The following NAV3 variants were observed in gnomAD, a reference collection of about 807,000 sequenced individuals.
NAV3 encodes pore membrane and/or filament interacting like protein 1.
NAV3 carries 87 observed loss-of-function variants against 244.7 expected under a neutral mutation model. The observed-to-expected ratio is 0.36, with a 90% confidence interval of 0.30 to 0.42. NAV3 has a LOEUF of 0.42. Ranked by LOEUF, NAV3 falls within the 20% of genes least tolerant of loss-of-function variation. NAV3 has a pLI of 1.00. For missense variants in NAV3, 2,663 were observed against 2,893.3 expected (o/e 0.92, Z 1.83); for synonymous variants, 1,126 against 1,042.2 (o/e 1.08, Z -1.55).
At chr12:77,936,804 C>T (rs1294341366) in intron 1 of NAV3, among the ~76,000 whole-genome samples, 1 of 152,100 alleles carries the variant, frequency 6.6e-6, no homozygotes, top group Non-Finnish European at 1.5e-5. Flanking sequence ...TCTCTCATCA[C>T]GGCATTACAG....
chr12:78,092,796 G>A (rs1414895208), intron 12 of NAV3, among the ~76,000 whole-genome samples: 5 of 152,114 alleles, frequency 3.3e-5, no homozygotes, highest in East Asian at 1.9e-4. Context: ...CACCGCGCCC[G>A]GCCGTGTTAA....
intron 2 of NAV3, among the ~76,000 whole-genome samples, chr12:77,670,825 A>G (rs1435350469): frequency 2.6e-5 from 4 of 152,140 alleles, no homozygotes; most frequent in Non-Finnish European, 5.9e-5. Context: ...ACCCACAGAC[A>G]ACATTATACT....
chr12:77,709,643 G>A (rs1876009126), intron 2 of NAV3, among the ~76,000 whole-genome samples: 1 of 152,076 alleles, frequency 6.6e-6, no homozygotes, highest in Non-Finnish European at 1.5e-5. Context: ...ATTCCCATTT[G>A]ACAACTTAAA....
intron 28 of NAV3, 128 bp downstream of exon 28, chr12:78,177,813 C>T (rs1187125651): frequency 8.2e-6 from 7 of 851,952 alleles, no homozygotes; most frequent in Non-Finnish European, 1.2e-5. Flanking sequence ...TCTGTTTTTT[C>T]AACTAAAATT....
At chr12:77,698,917 AGAATACTT>A (rs1421959481) in intron 2 of NAV3, among the ~76,000 whole-genome samples, 2 of 152,154 alleles carry the variant, frequency 1.3e-5, no homozygotes, top group African/African-American at 2.4e-5. Flanking sequence ...TGTTTGTCCT[AGAATACTT>A]GTGCACAATT....
intron 1 of NAV3, among the ~76,000 whole-genome samples, chr12:77,910,941 T>G (rs1886520644): frequency 6.6e-6 from 1 of 152,124 alleles, no homozygotes; most frequent in Admixed American, 6.6e-5. Flanking sequence ...CACTTATCAG[T>G]AGAGACAAAC....
chr12:77,976,450 C>A (rs1485218905), intron 5 of NAV3, among the ~76,000 whole-genome samples: 4 of 151,760 alleles, frequency 2.6e-5, no homozygotes, highest in Admixed American at 2.6e-4. Context: ...TAGAGGAGAC[C>A]AAAAAGAGTT....
intron 2 of NAV3, among the ~76,000 whole-genome samples, chr12:77,722,203 A>C (rs1205084321): frequency 1.3e-5 from 2 of 152,092 alleles, no homozygotes; most frequent in African/African-American, 4.8e-5. Flanking sequence ...GAAAGGTATA[A>C]AAATGAATTC....
chr12:77,594,984 A>G (rs551141430), intron 2 of NAV3, among the ~76,000 whole-genome samples: 1 of 152,252 alleles, frequency 6.6e-6, no homozygotes. Flanking sequence ...GCCATTATGG[A>G]AAAAAAGTAT....
chr12:77,930,609 A>G (rs769463072), intron 1 of NAV3, among the ~76,000 whole-genome samples: 2 of 152,204 alleles, frequency 1.3e-5, no homozygotes, highest in African/African-American at 4.8e-5. Flanking sequence ...GATCTGTTAC[A>G]TAGCAGTTAC....
chr12:77,862,469 C>T (rs1336708705), intron 1 of NAV3, among the ~76,000 whole-genome samples: 1 of 151,694 alleles, frequency 6.6e-6, no homozygotes, highest in African/African-American at 2.4e-5. Flanking sequence ...ATAACTGATG[C>T]TGAATCCACT....
chr12:77,617,500 C>A (rs1402756750), intron 2 of NAV3, among the ~76,000 whole-genome samples: 1 of 152,182 alleles, frequency 6.6e-6, no homozygotes, highest in Non-Finnish European at 1.5e-5. Flanking sequence ...ACTGAGACTT[C>A]CTTGTATAGA....
Position 77,831,671 on chromosome 12 carries a change from C to T in NAV3, c.210C>T (p.Leu70=), listed in dbSNP as rs200722700. The change falls in exon 1 of 40, where the codon CTC becomes CTT. Residue 70 remains leucine, a synonymous_variant. Transcript: ENST00000397909. ...STCEFGEKKP[L]QGKAKEKEDS... ...GTGAATTTGGAGAGAAGAAACCCCTCCAAGGAAAAGCCAAGGAGAAAGAAG... is the reference window on the plus strand; with the variant it reads ...GTGAATTTGGAGAGAAGAAACCCCTTCAAGGAAAAGCCAAGGAGAAAGAAG... 323 of 1,611,622 alleles carry T rather than the reference C, an allele frequency of 2.0e-4. No homozygotes were observed. The highest frequency in any genetic ancestry group is 5.0e-4 in the Middle Eastern group (3 of 6,036).
chr12:77,789,353 T>C (rs1343530934), intron 2 of NAV3, among the ~76,000 whole-genome samples: 1 of 152,114 alleles, frequency 6.6e-6, no homozygotes, highest in Non-Finnish European at 1.5e-5. Flanking sequence ...ACTGAACTTC[T>C]TTCTTTTCCC....
rs762130643 is a variant in NAV3, at chr12:78,050,102, G to GT, written c.2132+8dup. The GT allele has an allele frequency of 1.0e-5, 16 of 1,595,144 alleles. No homozygotes were observed. Among genetic ancestry groups the GT allele is most frequent in the East Asian group, 6.8e-5 (3 of 44,432 alleles). The stretch of plus-strand genomic sequence containing the variant: ...TTCGTGGGACTCAGATAAGCCACAG[G>GT]TTTTTTTCAATTTTGCATATATTTG... On this transcript the variant is annotated splice_donor_variant, in intron 10 of 39. Transcript: ENST00000397909. LOFTEE classifies it high-confidence loss of function.
intron 2 of NAV3, among the ~76,000 whole-genome samples, chr12:77,584,227 G>T (rs1250614250): frequency 6.6e-6 from 1 of 152,164 alleles, no homozygotes; most frequent in Non-Finnish European, 1.5e-5. Context: ...TTGATGCCTT[G>T]CATATGATAC....
At chr12:78,027,929 GA>G (rs1214850179) in intron 9 of NAV3, among the ~76,000 whole-genome samples, 1 of 150,978 alleles carries the variant, frequency 6.6e-6, no homozygotes, top group African/African-American at 2.4e-5. Flanking sequence ...ACAGTGATAA[GA>G]AAAAAAGGAA....
At chr12:78,130,860 C>T (rs888889151) in intron 18 of NAV3, 2 of 193,898 alleles carry the variant, frequency 1.0e-5, no homozygotes, top group Non-Finnish European at 2.2e-5. Context: ...GGTCTATATT[C>T]TCCAGGTACT....
At chr12:78,157,785 G>T (rs982776112) in intron 22 of NAV3, among the ~76,000 whole-genome samples, 1 of 151,418 alleles carries the variant, frequency 6.6e-6, no homozygotes, top group African/African-American at 2.4e-5. Context: ...GTGTGTTTGT[G>T]TGAGAGAGAG....
Sources: allele counts gnomAD v4.1 joint callset (sites outside exome capture counted in the v4.1 genomes callset), GRCh38; gene constraint gnomAD v4.1.1; transcripts MANE v1.5; gene names NCBI Gene and HGNC (gene_info 2026-07-23, HGNC 2026-07-21).